The following MGAT4C variants were observed in gnomAD, a reference collection of about 807,000 sequenced individuals.
MGAT4C encodes the protein MGAT4 family member C.
MGAT4C carries 19 observed loss-of-function variants against 40.1 expected under a neutral mutation model. The observed-to-expected ratio is 0.47, with a 90% CI of 0.33 to 0.70. The LOEUF (loss-of-function observed/expected upper bound fraction) is 0.70, where lower values mean the gene tolerates loss of function less well. Among genes scored for constraint, MGAT4C ranks in the 30% least tolerant of loss-of-function variants. MGAT4C has a pLI of 0.02. For synonymous variants in MGAT4C, 181 were observed against 187.1 expected (o/e 0.97, Z 0.27); for missense variants, 491 against 563.2 (o/e 0.87, Z 1.30).
intron 4 of MGAT4C, among the ~76,000 whole-genome samples, chr12:86,264,285 T>A (rs555250192): frequency 6.6e-6 from 1 of 152,320 alleles, no homozygotes; most frequent in African/African-American, 2.4e-5. Context: ...TAGGTTTCCT[T>A]CTAGTATTTT....
At chr12:86,378,353 A>C (rs1955869930) in intron 3 of MGAT4C, among the ~76,000 whole-genome samples, 1 of 152,260 alleles carries the variant, frequency 6.6e-6, no homozygotes, top group South Asian at 2.1e-4. Flanking sequence ...ATGGGACTTG[A>C]ATTTGGAGTC....
intron 3 of MGAT4C, among the ~76,000 whole-genome samples, chr12:86,370,890 G>T (rs1009959017): frequency 6.6e-6 from 1 of 151,994 alleles, no homozygotes; most frequent in Non-Finnish European, 1.5e-5. Context: ...TTAAAAATTT[G>T]CTCCTTTAGT....
At chr12:86,769,382 T>A (rs1239733780) in intron 1 of MGAT4C, among the ~76,000 whole-genome samples, 1 of 152,012 alleles carries the variant, frequency 6.6e-6, no homozygotes, top group South Asian at 2.1e-4. Context: ...CTGGAGAGGA[T>A]GTGGAGACAT....
intron 1 of MGAT4C, among the ~76,000 whole-genome samples, chr12:86,224,553 A>G (rs1951005727): frequency 6.6e-6 from 1 of 152,254 alleles, no homozygotes; most frequent in African/African-American, 2.4e-5. Context: ...ATGTTACACC[A>G]TAAAACAAGT....
At chr12:86,614,128 A>C (rs1012915157) in intron 2 of MGAT4C, among the ~76,000 whole-genome samples, 12 of 152,174 alleles carry the variant, frequency 7.9e-5, no homozygotes, top group African/African-American at 2.9e-4. Flanking sequence ...TAAAATATTT[A>C]GTGTGCCCAT....
chr12:86,050,009 T>TAC (rs1251177732), intron 1 of MGAT4C, among the ~76,000 whole-genome samples: 6 of 151,936 alleles, frequency 3.9e-5, no homozygotes, highest in Non-Finnish European at 8.8e-5. Flanking sequence ...AATATAGAGA[T>TAC]ACACACATAT....
intron 2 of MGAT4C, among the ~76,000 whole-genome samples, chr12:86,459,076 T>C (rs1437155735): frequency 1.3e-5 from 2 of 152,168 alleles, no homozygotes; most frequent in East Asian, 1.9e-4. Flanking sequence ...TTATGAATCA[T>C]GTAGGTATAA....
intron 2 of MGAT4C, among the ~76,000 whole-genome samples, chr12:86,582,629 A>T (rs149974754): frequency 6.6e-6 from 1 of 151,410 alleles, no homozygotes; most frequent in African/African-American, 2.4e-5. Flanking sequence ...TAGAAATATA[A>T]TGAATTAAAT....
chr12:86,797,151 T>A (rs77644806), intron 1 of MGAT4C, among the ~76,000 whole-genome samples: 3,750 of 151,970 alleles, frequency 0.025, 65 homozygotes, highest in African/African-American at 0.057. Context: ...TCCATCATTC[T>A]TATAAATTCT....
chr12:86,837,439 T>C (rs1953059618), intron 1 of MGAT4C, among the ~76,000 whole-genome samples: 1 of 152,012 alleles, frequency 6.6e-6, no homozygotes. Flanking sequence ...CCAAAGAAAT[T>C]AGAATACACT....
chr12:86,675,022 C>A (rs1013036991), intron 2 of MGAT4C, among the ~76,000 whole-genome samples: 1 of 152,066 alleles, frequency 6.6e-6, no homozygotes, highest in Non-Finnish European at 1.5e-5. Context: ...ATACTTCATT[C>A]GTTTTTTTGT....
At chr12:86,704,053 A>G (rs1950410872) in intron 2 of MGAT4C, among the ~76,000 whole-genome samples, 1 of 152,168 alleles carries the variant, frequency 6.6e-6, no homozygotes, top group Non-Finnish European at 1.5e-5. Context: ...AATATGTAAT[A>G]GTAATAATTA....
intron 1 of MGAT4C, among the ~76,000 whole-genome samples, chr12:86,137,792 C>T (rs1882183594): frequency 6.6e-6 from 1 of 152,182 alleles, no homozygotes; most frequent in African/African-American, 2.4e-5. Context: ...TTAAGGACTG[C>T]ATACAGACAA....
intron 1 of MGAT4C, among the ~76,000 whole-genome samples, chr12:86,136,881 T>C (rs1882030692): frequency 6.6e-6 from 1 of 152,078 alleles, no homozygotes; most frequent in Admixed American, 6.6e-5. Context: ...AGAGACGAGG[T>C]TTCACCATGT....
intron 2 of MGAT4C, among the ~76,000 whole-genome samples, chr12:86,546,572 C>T (rs1217197514): frequency 1.3e-5 from 2 of 151,998 alleles, no homozygotes; most frequent in African/African-American, 4.8e-5. Context: ...TAAACTTTGA[C>T]TTAAAGTTCA....
intron 3 of MGAT4C, among the ~76,000 whole-genome samples, chr12:86,370,343 A>G (rs974147665): frequency 6.6e-6 from 1 of 152,080 alleles, no homozygotes; most frequent in African/African-American, 2.4e-5. Flanking sequence ...AAAGATAAAT[A>G]GATATCTTCA....
At chr12:86,428,006 C>T (rs1038187223) in intron 3 of MGAT4C, among the ~76,000 whole-genome samples, 5 of 151,648 alleles carry the variant, frequency 3.3e-5, no homozygotes, top group South Asian at 4.2e-4. Context: ...GGAGACAGAG[C>T]GAGAGTCCAT....
chr12:86,647,158 A>G (rs1311160669), intron 2 of MGAT4C, among the ~76,000 whole-genome samples: 2 of 151,940 alleles, frequency 1.3e-5, no homozygotes, highest in African/African-American at 4.8e-5. Context: ...AGCTGACTGC[A>G]GTCCCATGAG....
At chr12:86,700,435 T>G in intron 2 of MGAT4C, among the ~76,000 whole-genome samples, 1 of 152,086 alleles carries the variant, frequency 6.6e-6, no homozygotes, top group South Asian at 2.1e-4. Context: ...TGTAAGGTAC[T>G]TATACAGTTG....
Sources: allele counts gnomAD v4.1 joint callset (sites outside exome capture counted in the v4.1 genomes callset), GRCh38; gene constraint gnomAD v4.1.1; transcripts MANE v1.5; gene names NCBI Gene and HGNC (gene_info 2026-07-23, HGNC 2026-07-21).